The following PKLR variants were observed in gnomAD, a reference collection of about 807,000 sequenced individuals.
PKLR encodes pyruvate kinase PKLR.
PKLR carries 38 observed loss-of-function variants against 53.6 expected under a neutral mutation model. That is an observed-to-expected ratio of 0.71 (90% CI 0.55 to 0.93). The LOEUF (loss-of-function observed/expected upper bound fraction) is 0.93. PKLR is among the 40% of genes least tolerant of loss of function. The probability of loss-of-function intolerance (pLI) is 0.00; values close to 1 mark genes in which losing one functional copy is unlikely to be tolerated. For synonymous variants in PKLR, 328 were observed against 316.2 expected (o/e 1.04, Z -0.39); for missense variants, 702 against 787.3 (o/e 0.89, Z 1.30).
Position 155,295,847 on chromosome 1 carries a change from G to GCCACAGGC in PKLR, c.284-99_284-92dup. On this transcript the variant is annotated intron_variant, in intron 2 of 10. Transcript: ENST00000342741. The surrounding 1 kb of genome is among the most constrained non-coding windows in gnomAD (Gnocchi z 4.3). ...CATTACCATTCTCAGAACGCCTCAC[G>GCCACAGGC]CCACAGGCGTCCTGTTACCTGATCT... The GCCACAGGC allele has an allele frequency of 9.4e-7, 1 of 1,059,528 alleles. No individual in the cohort carries two copies. The highest frequency in any genetic ancestry group is 1.3e-5 in the South Asian group (1 of 78,790). 65.6% of individuals were successfully genotyped at this position (1,059,528 alleles called of 1,614,324 possible).
At chr1:155,303,951 G>A (rs1049007430), upstream of PKLR, among the ~76,000 whole-genome samples, 1 of 152,170 alleles carries the variant, frequency 6.6e-6, no homozygotes, top group African/African-American at 2.4e-5. Context: ...TATATGCCAA[G>A]GCTCTGAGGA....
intron 2 of PKLR, among the ~76,000 whole-genome samples, chr1:155,298,184 T>C (rs1410690953): frequency 6.6e-6 from 1 of 151,804 alleles, no homozygotes; most frequent in South Asian, 2.1e-4. Context: ...TACAGGCATG[T>C]GCCACCACGC....
At chr1:155,306,904 C>T in the PKLR span, among the ~76,000 whole-genome samples, 3 of 152,238 alleles carry the variant, frequency 2.0e-5, no homozygotes, top group East Asian at 3.9e-4. The surrounding 1 kb of genome is among the most constrained non-coding windows in gnomAD (Gnocchi z 4.2). Flanking sequence ...TGCAGACCTT[C>T]GCGGTGAGTG....
At position 155,295,837 on chromosome 1, in the gene PKLR, A is replaced by G; in HGVS notation, c.284-81T>C. 1 of 1,209,706 alleles carries G rather than the reference A, an allele frequency of 8.3e-7. No individual in the cohort carries two copies. Among genetic ancestry groups the G allele is most frequent in the Non-Finnish European group, 1.2e-6 (1 of 816,834 alleles). 74.9% of individuals were successfully genotyped at this position (1,209,706 alleles called of 1,614,324 possible). A position where few individuals can be genotyped will look rare whatever the true frequency, so the allele number is the denominator to read the frequency against. ...AAACCCAACCCATTACCATTCTCAGAACGCCTCACGCCACAGGCGTCCTGT... is the reference window on the plus strand; with the variant it reads ...AAACCCAACCCATTACCATTCTCAGGACGCCTCACGCCACAGGCGTCCTGT... On this transcript the variant is annotated intron_variant, in intron 2 of 10. Transcript: ENST00000342741. This position sits in a 1 kb window ranked among gnomAD's most constrained non-coding sequence, Gnocchi z 4.3.
At chr1:155,303,076 G>A (rs1434894150), upstream of PKLR, among the ~76,000 whole-genome samples, 2 of 152,162 alleles carry the variant, frequency 1.3e-5, no homozygotes, top group Non-Finnish European at 2.9e-5. Context: ...CCCTCCTTGA[G>A]AACATACCTG....
Position 155,300,180 on chromosome 1 carries a change from G to A in PKLR, c.201C>T (p.Asp67=). The change falls in exon 2 of 11, where the codon GAC becomes GAT. Residue 67 remains aspartate (D), a synonymous_variant. Coordinates refer to ENST00000342741, the MANE Select transcript of PKLR (RefSeq NM_000298.6). ...GTAGGCAGAGGTGTTCCAGGAAGGT[G>A]TCTGCCATAGCAGCTGGCAGCTGCT... ...QQQQLPAAMA[D]TFLEHLCLLD... The A allele has an allele frequency of 6.2e-7, 1 of 1,614,036 alleles. No individual in the cohort carries two copies.
Position 155,294,224 on chromosome 1 carries a change from T to G in PKLR, c.1116+11A>C, listed in dbSNP as rs772210846. 2 of 1,613,922 alleles carry G rather than the reference T, an allele frequency of 1.2e-6. No homozygotes were observed. Among genetic ancestry groups the G allele is most frequent in the African/African-American group, 2.7e-5 (2 of 74,920 alleles). ...CCACAGAGTGCCGAACCTCAAGGCC[T>G]CACTCCAGACCTGTGTGGCACAGAC... On this transcript the variant is annotated intron_variant, in intron 7 of 10. Coordinates refer to ENST00000342741, the MANE Select transcript of PKLR (RefSeq NM_000298.6).
upstream of PKLR, among the ~76,000 whole-genome samples, chr1:155,302,767 G>C (rs563461678): frequency 1.3e-4 from 20 of 151,696 alleles, no homozygotes; most frequent in African/African-American, 4.4e-4. Flanking sequence ...TGACTTCCTG[G>C]GCTCCAACGA....
At chr1:155,291,626 T>C in intron 10 of PKLR, 130 bp downstream of exon 10, 1 of 794,766 alleles carries the variant, frequency 1.3e-6, no homozygotes, top group Non-Finnish European at 2.2e-6. Context: ...ATCTCAGTCT[T>C]AGTGACTCTC....
At chr1:155,291,673 C>T in intron 10 of PKLR, 83 bp downstream of exon 10, 1 of 1,209,496 alleles carries the variant, frequency 8.3e-7, no homozygotes, top group Non-Finnish European at 1.2e-6. Flanking sequence ...AGAGGCAAGG[C>T]CCTTTGAGTG....
In PKLR at chr1:155,291,917, C is replaced by T. The variant is rs768210809; in HGVS notation, c.1457G>A (p.Arg486Gln). The change falls in exon 10 of 11, where the codon CGG becomes CAG. Residue 486 changes from arginine to glutamine, a missense_variant. Physicochemically the swap from Arg to Gln is conservative, Grantham distance 43. Around this residue, in one of 2 missense-constraint regions of PKLR, gnomAD observed 183 missense variants for 250.2 expected, o/e 0.73. Coordinates refer to ENST00000342741, the MANE Select transcript of PKLR (RefSeq NM_000298.6). ...AATGACTGCTGCCCGAGGTCGGTACCGAGACAGAAGCTGGGCTGAGCTGGA... is the reference window on the plus strand; with the variant it reads ...AATGACTGCTGCCCGAGGTCGGTACTGAGACAGAAGCTGGGCTGAGCTGGA... The part of the protein sequence containing the change: ...TTGRSAQLLS[R>Q]YRPRAAVIAV... 2.9e-5 allele frequency: 47 copies of T among 1,613,264 alleles called. No homozygotes were observed. The highest frequency in any genetic ancestry group is 1.2e-4 in the South Asian group (11 of 91,044).
At position 155,295,270 on chromosome 1, in the gene PKLR, G is replaced by A. The variant is rs1165712893; in HGVS notation, c.540C>T (p.Gly180=). The change falls in exon 5 of 11, where the codon GGC becomes GGT. Residue 180 remains glycine (G), a synonymous_variant. Transcript: ENST00000342741. This position sits in a 1 kb window ranked among gnomAD's most constrained non-coding sequence, Gnocchi z 4.3. ...GPESEVELVK[G]SQVLVTVDPA... ...GGTCCACAGTCACCAGCACCTGGGAGCCCTTCACCAGCTCCACTTCCGACT... is the reference window on the plus strand; with the variant it reads ...GGTCCACAGTCACCAGCACCTGGGAACCCTTCACCAGCTCCACTTCCGACT... 3 of 1,614,106 alleles carry A rather than the reference G, an allele frequency of 1.9e-6. No homozygotes were observed. The South Asian group carries it at 3.3e-5, about 18-fold the overall frequency.
At chr1:155,307,969 G>GT in the PKLR span, among the ~76,000 whole-genome samples, 16 of 152,124 alleles carry the variant, frequency 1.1e-4, no homozygotes, top group Middle Eastern at 3.4e-3. Flanking sequence ...TAGAGAAGGG[G>GT]TTTTGCCATG....
At chr1:155,296,329 T>C (rs1647596368) in intron 2 of PKLR, among the ~76,000 whole-genome samples, 1 of 152,018 alleles carries the variant, frequency 6.6e-6, no homozygotes, top group Non-Finnish European at 1.5e-5. Context: ...ACCCATGTTT[T>C]CCTTTTCTTT....
In PKLR at chr1:155,301,302, G is replaced by A; in HGVS notation, c.94C>T (p.Pro32Ser). The A allele has an allele frequency of 6.2e-7, 1 of 1,613,934 alleles. No homozygotes were observed. Among genetic ancestry groups the A allele is most frequent in the South Asian group, 1.1e-5 (1 of 91,078 alleles). ...TTCTGTCTCCCCTTCTTACCTCCTG[G>A]AGCCCCAATCAGGATGGACTTTGCT... ...DLAKSILIGA[P>S]GGPAGYLRRA... The change falls in exon 1 of 11, where the codon CCA (proline) becomes TCA (serine). Residue 32 changes from proline (P) to serine (S), a missense_variant. This residue lies in a region of PKLR where 519 missense variants were observed against 537.1 expected (regional missense o/e 0.97). Transcript: ENST00000342741.
chr1:155,299,007 T>TTTCTTTCTTTC (rs1491203032), intron 2 of PKLR, among the ~76,000 whole-genome samples: 20 of 100,722 alleles, frequency 2.0e-4, no homozygotes, highest in Non-Finnish European at 3.0e-4. Context: ...TCTTTCTTTC[T>TTTCTTTCTTTC]TTCTTTCTTT....
intron 2 of PKLR, among the ~76,000 whole-genome samples, chr1:155,298,977 T>TCTTTCTTTC (rs1557962983): frequency 1.2e-5 from 1 of 84,660 alleles, no homozygotes; most frequent in Non-Finnish European, 2.2e-5. Context: ...TTTCTTTCTT[T>TCTTTCTTTC]CTTTCTTTCT....
intron 6 of PKLR, 33 bp downstream of exon 6, chr1:155,294,449 C>T (rs199586853): frequency 2.0e-5 from 32 of 1,614,254 alleles, no homozygotes; most frequent in Admixed American, 1.3e-4. Context: ...GGAATAGCGA[C>T]AGGGCCGAAG....
At chr1:155,299,010 CTTTCTT>C (rs1647797063) in intron 2 of PKLR, among the ~76,000 whole-genome samples, 1 of 102,034 alleles carries the variant, frequency 9.8e-6, no homozygotes, top group Non-Finnish European at 1.8e-5. Context: ...TTCTTTCTTT[CTTTCTT>C]TCTTTCTTTC....
Sources: allele counts gnomAD v4.1 joint callset (sites outside exome capture counted in the v4.1 genomes callset), GRCh38; gene constraint gnomAD v4.1.1; regional missense constraint gnomAD v4.1.1; non-coding constraint Gnocchi (gnomAD v3.1); transcripts MANE v1.5; gene names NCBI Gene and HGNC (gene_info 2026-07-23, HGNC 2026-07-21).